OPA1: variants seen among roughly 807,000 people sequenced by gnomAD.
The protein encoded by OPA1 is OPA1 mitochondrial dynamin like GTPase.
OPA1 carries 59 observed loss-of-function variants against 152.9 expected under a neutral mutation model. The observed-to-expected ratio is 0.39, with a 90% CI of 0.31 to 0.48. The LOEUF is 0.48. Ranked by LOEUF, OPA1 falls within the 20% of genes least tolerant of loss-of-function variation. The pLI is 0.96. For missense variants in OPA1, 1,008 were observed against 1,216.8 expected (o/e 0.83, Z 2.55); for synonymous variants, 400 against 389.9 (o/e 1.03, Z -0.31).
intron 1 of OPA1, among the ~76,000 whole-genome samples, chr3:193,611,043 CTGCACCCACTGTCT>C (rs1048753701): frequency 6.6e-6 from 1 of 152,200 alleles, no homozygotes; most frequent in African/African-American, 2.4e-5. Flanking sequence ...ACCCACTGTC[CTGCACCCACTGTCT>C]GACAATCCCC....
rs1722281466 is a variant in OPA1, at chr3:193,696,748, G to T, written c.*2148G>T. The T allele has an allele frequency of 6.6e-6, 1 of 152,202 alleles. No individual in the cohort carries two copies. Among genetic ancestry groups the T allele is most frequent in the Non-Finnish European group, 1.5e-5 (1 of 68,034 alleles). 9.4% of individuals were successfully genotyped at this position (152,202 alleles called of 1,614,324 possible). ...CACAGAATCATTTGTTTTTATGTCA[G>T]AATTTGCAAAGAGTGGAGTGGACAA... On this transcript the variant is annotated 3_prime_UTR_variant, in exon 31 of 31. Coordinates refer to ENST00000361510, the MANE Select transcript of OPA1 (RefSeq NM_130837.3).
In OPA1 at chr3:193,614,802, C is replaced by G. The variant is rs761460379; in HGVS notation, c.112C>G (p.Arg38Gly). The G allele has an allele frequency of 6.2e-7, 1 of 1,606,568 alleles. No homozygotes were observed. Among genetic ancestry groups the G allele is most frequent in the Non-Finnish European group, 8.5e-7 (1 of 1,173,306 alleles). The part of the protein sequence containing the change: ...LPLQKLHLVS[R>G]SIYHSHHPTL... Reference sequence around the variant, plus strand: ...ACTACAAAAACTACATCTGGTTTCACGAAGCATTTATCATTCACATCATCC... The same window carrying G: ...ACTACAAAAACTACATCTGGTTTCAGGAAGCATTTATCATTCACATCATCC... Residue 38 changes from arginine (R) to glycine (G), a missense_variant, in exon 2 of 31, where the codon CGA (arginine) becomes GGA (glycine). By Grantham distance (125) the Arg-to-Gly change is moderately radical. This residue lies in a region of OPA1 where 408 missense variants were observed against 395.1 expected (regional missense o/e 1.03). Transcript: ENST00000361510.
rs908070414 is a variant in OPA1 at position 193,593,261 on chromosome 3, G to C, written c.-117G>C. 4 of 1,052,490 alleles carry C rather than the reference G, an allele frequency of 3.8e-6. No individual in the cohort carries two copies. Among genetic ancestry groups the C allele is most frequent in the Non-Finnish European group, 2.7e-6 (2 of 751,192 alleles). The allele number at this position is 1,052,490 out of a possible 1,614,324, so 65.2% of individuals were successfully genotyped here. A position where few individuals can be genotyped will look rare whatever the true frequency, so the allele number is the denominator to read the frequency against. ...GGGAGGGCCTCGGCCGCGGCTCTGTGCCCTTGCTGCTGAGGGCCACTTCCT... is the reference window on the plus strand; with the variant it reads ...GGGAGGGCCTCGGCCGCGGCTCTGTCCCCTTGCTGCTGAGGGCCACTTCCT... On this transcript the variant is annotated 5_prime_UTR_variant, in exon 1 of 31. Coordinates refer to ENST00000361510, the MANE Select transcript of OPA1 (RefSeq NM_130837.3).
chr3:193,658,114 G>A (rs917317905), intron 23 of OPA1, among the ~76,000 whole-genome samples: 4 of 151,880 alleles, frequency 2.6e-5, no homozygotes, highest in African/African-American at 4.8e-5. Flanking sequence ...GCATGGTGGT[G>A]CATGCCTGTA....
intron 3 of OPA1, 58 bp downstream of exon 3, chr3:193,615,828 T>G: frequency 1.1e-6 from 1 of 949,058 alleles, no homozygotes; most frequent in Non-Finnish European, 1.7e-6. Context: ...AGAGAAATAG[T>G]TTATTGAGAT....
chr3:193,648,485 A>G (rs1711582753), intron 20 of OPA1: 1 of 370,416 alleles, frequency 2.7e-6, no homozygotes, highest in African/African-American at 2.1e-5. Flanking sequence ...TTAATAAAAC[A>G]CAGCATTAAT....
intron 3 of OPA1, among the ~76,000 whole-genome samples, chr3:193,616,944 C>G (rs1018865369): frequency 6.6e-6 from 1 of 152,218 alleles, no homozygotes; most frequent in African/African-American, 2.4e-5. Flanking sequence ...GCCAGTACCA[C>G]AGCGTAGTGG....
chr3:193,668,627 C>G, intron 29 of OPA1: 1 of 1,528,368 alleles, frequency 6.5e-7, no homozygotes, highest in Non-Finnish European at 8.8e-7. Flanking sequence ...CCAGGCCACC[C>G]TCCTGCACAG....
Position 193,645,728 on chromosome 3 carries a change from G to A in OPA1, c.1682G>A (p.Gly561Glu). 1 of 1,613,390 alleles carries A rather than the reference G, an allele frequency of 6.2e-7. No individual in the cohort carries two copies. The highest frequency in any genetic ancestry group is 1.7e-4 in the Middle Eastern group (1 of 6,058). Residue 561 changes from glycine (G) to glutamate (E), a missense_variant and splice_region_variant, in exon 18 of 31, where the codon GGG (glycine) becomes GAG (glutamate). This residue lies in a region of OPA1 where 213 missense variants were observed against 291.4 expected (regional missense o/e 0.73). Coordinates refer to ENST00000361510, the MANE Select transcript of OPA1 (RefSeq NM_130837.3). ...AAATTTGACCATCATTCTTCCCCAGGGAACAGCTCTGAAAGCATTGAAGCT... is the reference window on the plus strand; with the variant it reads ...AAATTTGACCATCATTCTTCCCCAGAGAACAGCTCTGAAAGCATTGAAGCT... ...LGYFAVVTGKGNSSESIEAIR... is the reference protein window; with the variant it reads ...LGYFAVVTGKENSSESIEAIR...
chr3:193,674,068 G>A (rs1201711759), intron 29 of OPA1, among the ~76,000 whole-genome samples: 1 of 152,200 alleles, frequency 6.6e-6, no homozygotes, highest in African/African-American at 2.4e-5. Flanking sequence ...TCTTGCCTCT[G>A]TTGACTGTTC....
chr3:193,631,552 CTT>C lies in OPA1; in HGVS notation c.790-59_790-58del, dbSNP rs1560353574. 1.6e-5 allele frequency: 20 copies of C among 1,258,568 alleles called. No homozygotes were observed. The Admixed American group carries it at 2.9e-4, about 18-fold the overall frequency. The allele number at this position is 1,258,568 out of a possible 1,614,324, so 78.0% of individuals were successfully genotyped here. ...CTCAATACTTATCAAAAAAATTTAACTTGCTGTACATTCTGTATAAACCTAAT... is the reference window on the plus strand; with the variant it reads ...CTCAATACTTATCAAAAAAATTTAACGCTGTACATTCTGTATAAACCTAAT... On this transcript the variant is annotated intron_variant, in intron 7 of 30. Coordinates refer to ENST00000361510, the MANE Select transcript of OPA1 (RefSeq NM_130837.3).
rs189602739 is a variant in OPA1, at chr3:193,646,880, A to G, written c.1755-185A>G. Among the ~76,000 whole-genome samples the G allele has an allele frequency of 7.2e-5, 11 of 152,338 alleles. No homozygotes were observed. In the South Asian group the frequency reaches 1.0e-3, roughly 14 times the overall value. On this transcript the variant is annotated intron_variant, in intron 18 of 30. Coordinates refer to ENST00000361510, the MANE Select transcript of OPA1 (RefSeq NM_130837.3). Reference sequence around the variant, plus strand: ...ACTAGCCACACATTTCCAGGGCTCAATAACCCAGTGTGCCAGTAGCTACCG... The same window carrying G: ...ACTAGCCACACATTTCCAGGGCTCAGTAACCCAGTGTGCCAGTAGCTACCG...
chr3:193,617,565 A>G (rs1308822987), intron 4 of OPA1, among the ~76,000 whole-genome samples: 3 of 152,206 alleles, frequency 2.0e-5, no homozygotes, highest in African/African-American at 4.8e-5. Flanking sequence ...GAGACTTCCT[A>G]TGTATTTGCT....
intron 29 of OPA1, chr3:193,668,377 C>T (rs764746031): frequency 1.9e-6 from 3 of 1,551,340 alleles, no homozygotes; most frequent in Non-Finnish European, 2.6e-6. Flanking sequence ...TGGCGCCGCA[C>T]CCAGCATTGA....
chr3:193,659,502 A>G lies in OPA1; in HGVS notation c.2461A>G (p.Met821Val). Residue 821 changes from methionine (M) to valine (V), a missense_variant, in exon 25 of 31, where the codon ATG (methionine) becomes GTG (valine). Coordinates refer to ENST00000361510, the MANE Select transcript of OPA1 (RefSeq NM_130837.3). ...LKDTENAIEN[M>V]VGPDWKKRWL... Reference sequence around the variant, plus strand: ...TCTAGCTGAAAATGCAATTGAAAACATGGTGGGTCCAGACTGGAAAAAGAG... The same window carrying G: ...TCTAGCTGAAAATGCAATTGAAAACGTGGTGGGTCCAGACTGGAAAAAGAG... 6.2e-7 allele frequency: 1 copy of G among 1,611,498 alleles called. No individual in the cohort carries two copies.
chr3:193,614,678 C>T, intron 1 of OPA1, 45 bp from the exon 2 acceptor site: 2 of 1,412,698 alleles, frequency 1.4e-6, no homozygotes, highest in Non-Finnish European at 1.0e-6. Context: ...TTCCTTTGTA[C>T]TGTTACCCTC....
At chr3:193,685,370 T>G (rs768911445) in intron 29 of OPA1, among the ~76,000 whole-genome samples, 2 of 152,134 alleles carry the variant, frequency 1.3e-5, no homozygotes, top group Non-Finnish European at 2.9e-5. Context: ...CAGGCATCAG[T>G]TGTAATTTAC....
chr3:193,633,512 C>T (rs1415646424), intron 8 of OPA1, among the ~76,000 whole-genome samples: 2 of 152,096 alleles, frequency 1.3e-5, no homozygotes, highest in Non-Finnish European at 2.9e-5. Context: ...TCAATTTGTG[C>T]AATTGTAATT....
At chr3:193,647,438 G>T (rs963342148) in intron 19 of OPA1, among the ~76,000 whole-genome samples, 9 of 152,188 alleles carry the variant, frequency 5.9e-5, no homozygotes, top group Non-Finnish European at 1.2e-4. Flanking sequence ...GTGCTTGGAA[G>T]TACACAATAA....
Sources: allele counts gnomAD v4.1 joint callset (sites outside exome capture counted in the v4.1 genomes callset), GRCh38; gene constraint gnomAD v4.1.1; regional missense constraint gnomAD v4.1.1; transcripts MANE v1.5; gene names NCBI Gene and HGNC (gene_info 2026-07-23, HGNC 2026-07-21).